The following KIF1B variants were observed in gnomAD, a reference collection of about 807,000 sequenced individuals.
The protein encoded by KIF1B is kinesin-like protein KIF1B.
In KIF1B, 76 loss-of-function variants were observed where a neutral mutation model predicts 241.9. That is an observed-to-expected ratio of 0.31 (90% confidence interval 0.26 to 0.38). The LOEUF is 0.38. Among genes scored for constraint, KIF1B ranks in the 10% least tolerant of loss-of-function variants. KIF1B has a pLI of 1.00. For missense variants in KIF1B, 1,622 were observed against 2,271.4 expected, an observed-to-expected ratio of 0.71 and a Z score of 5.81; for synonymous variants, 750 against 796.7, an observed-to-expected ratio of 0.94 and a Z score of 0.99.
At chr1:10,338,669 G>A (rs926028187) in intron 31 of KIF1B, among the ~76,000 whole-genome samples, 10 of 152,350 alleles carry the variant, frequency 6.6e-5, no homozygotes, top group Admixed American at 6.5e-4. Flanking sequence ...ATCTCTACCT[G>A]GTGTTAGCTC....
At chr1:10,349,854 A>G (rs1569874835) in intron 37 of KIF1B, among the ~76,000 whole-genome samples, 3 of 152,246 alleles carry the variant, frequency 2.0e-5, no homozygotes, top group Non-Finnish European at 4.4e-5. Context: ...AATGTGAGAA[A>G]TAAAGTATTT....
At chr1:10,334,296 G>T (rs752910622) in intron 27 of KIF1B, among the ~76,000 whole-genome samples, 1 of 152,156 alleles carries the variant, frequency 6.6e-6, no homozygotes, top group Non-Finnish European at 1.5e-5. Flanking sequence ...GCATGATTTG[G>T]TGTGTGTTGG....
chr1:10,279,225 C>A, intron 14 of KIF1B, 87 bp downstream of exon 14: 2 of 830,402 alleles, frequency 2.4e-6, no homozygotes, highest in Non-Finnish European at 3.9e-6. Flanking sequence ...GCTTTGCATG[C>A]TGGCAATCCT....
chr1:10,216,324 T>C (rs1384456341), intron 1 of KIF1B, among the ~76,000 whole-genome samples: 1 of 152,230 alleles, frequency 6.6e-6, no homozygotes, highest in East Asian at 1.9e-4. Flanking sequence ...CTGTGATAAT[T>C]GATAGCTTTC....
intron 14 of KIF1B, among the ~76,000 whole-genome samples, chr1:10,279,442 CACTT>C (rs1649291217): frequency 1.3e-5 from 2 of 152,178 alleles, no homozygotes; most frequent in East Asian, 1.9e-4. Context: ...TAGCAACTGA[CACTT>C]ACTGATTTTG....
intron 22 of KIF1B, among the ~76,000 whole-genome samples, chr1:10,317,646 A>G (rs1651357313): frequency 6.6e-6 from 1 of 151,390 alleles, no homozygotes. Context: ...CCTGGCCAAC[A>G]TAGTGAAACC....
chr1:10,368,364 C>G, intron 43 of KIF1B, 103 bp from the exon 44 acceptor site: 1 of 888,400 alleles, frequency 1.1e-6, no homozygotes, highest in Admixed American at 1.7e-5. Flanking sequence ...CATGCCCTCC[C>G]CGGGAACTCA....
At position 10,378,423 on chromosome 1, in the gene KIF1B, A is replaced by G. The variant is rs1173937348; in HGVS notation, c.*1836A>G. 1.4e-6 allele frequency: 1 copy of G among 717,662 alleles called. No homozygotes were observed. Among genetic ancestry groups the G allele is most frequent in the Admixed American group, 2.0e-5 (1 of 49,968 alleles). The allele number at this position is 717,662 out of a possible 1,614,324, so 44.5% of individuals were successfully genotyped here. On this transcript the variant is annotated 3_prime_UTR_variant, in exon 49 of 49. Coordinates refer to ENST00000676179, the MANE Select transcript of KIF1B (RefSeq NM_001365951.3). ...AGTAAGTTTTCCAGGATGAGAGGGG[A>G]AAAAGAAAGCCTCCAGTGACTTCAG...
Position 10,295,057 on chromosome 1 carries a change from C to G in KIF1B, c.1591-29C>G, listed in dbSNP as rs182802220. On this transcript the variant is annotated intron_variant, in intron 17 of 48. Transcript: ENST00000676179. ...CACAGCTCTCTCATGGTGCCCTGCT[C>G]CAAATTGATCATCTGTAATCTTTTT... is the stretch of plus-strand genomic sequence containing the variant. 228 of 1,498,408 alleles carry G rather than the reference C, an allele frequency of 1.5e-4. No individual in the cohort carries two copies. The African/African-American group carries it at 2.9e-3, about 19-fold the overall frequency. 92.8% of individuals were successfully genotyped at this position (1,498,408 alleles called of 1,614,324 possible).
At chr1:10,271,681 A>G (rs1648807437) in intron 8 of KIF1B, 102 bp downstream of exon 8, 2 of 835,940 alleles carry the variant, frequency 2.4e-6, no homozygotes, top group African/African-American at 3.3e-5. Context: ...TTGTTTATGT[A>G]TTGTCTATGG....
intron 45 of KIF1B, among the ~76,000 whole-genome samples, chr1:10,373,726 C>T (rs754054713): frequency 1.4e-4 from 22 of 152,190 alleles, no homozygotes; most frequent in East Asian, 3.8e-4. Context: ...CTTCTCTGCA[C>T]AGCCGTTCAG....
In KIF1B at chr1:10,365,344, A is replaced by C; in HGVS notation, c.4513-65A>C. 1 of 1,613,892 alleles carries C rather than the reference A, an allele frequency of 6.2e-7. No individual in the cohort carries two copies. The highest frequency in any genetic ancestry group is 1.6e-4 in the Middle Eastern group (1 of 6,062). On this transcript the variant is annotated intron_variant, in intron 42 of 48. Coordinates refer to ENST00000676179, the MANE Select transcript of KIF1B (RefSeq NM_001365951.3). This position sits in a 1 kb window ranked among gnomAD's most constrained non-coding sequence, Gnocchi z 4.0. ...CTGCTGCATGTGATCATAGCTTTTC[A>C]CTTTTCTCTCCTGAGGTCTTAACGA... is the stretch of plus-strand genomic sequence containing the variant.
At chr1:10,305,484 G>C in intron 22 of KIF1B, 1 of 1,059,748 alleles carries the variant, frequency 9.4e-7, no homozygotes, top group Non-Finnish European at 1.1e-6. Flanking sequence ...TGTGTAGCTT[G>C]TAAGGAGGTT....
chr1:10,335,094 C>G (rs1211481168), intron 28 of KIF1B, among the ~76,000 whole-genome samples: 2 of 152,010 alleles, frequency 1.3e-5, no homozygotes, highest in Non-Finnish European at 2.9e-5. Context: ...ACACCACCAT[C>G]CCAGCTAATT....
chr1:10,213,494 T>C (rs563027269), intron 1 of KIF1B, among the ~76,000 whole-genome samples: 7 of 152,272 alleles, frequency 4.6e-5, no homozygotes, highest in Middle Eastern at 3.4e-3. Context: ...GCCCATTTTC[T>C]CACTGTGGTC....
chr1:10,271,152 A>G (rs1309221166), intron 7 of KIF1B, among the ~76,000 whole-genome samples: 2 of 151,122 alleles, frequency 1.3e-5, no homozygotes, highest in Admixed American at 6.6e-5. Context: ...GATAATTGCT[A>G]TGAATTTTGT....
intron 27 of KIF1B, among the ~76,000 whole-genome samples, chr1:10,334,276 A>G (rs1652078557): frequency 6.6e-6 from 1 of 151,982 alleles, no homozygotes. Flanking sequence ...TACAGTAGTT[A>G]AGTTTTAGAG....
At chr1:10,225,535 TTAAA>T (rs148127372) in intron 1 of KIF1B, among the ~76,000 whole-genome samples, 2,837 of 152,276 alleles carry the variant, frequency 0.019, 39 homozygotes, top group Non-Finnish European at 0.028. Flanking sequence ...TTGAAAAGTG[TTAAA>T]TAGAGGAGCA....
chr1:10,304,693 G>T (rs1332796633), intron 22 of KIF1B: 1 of 1,608,528 alleles, frequency 6.2e-7, no homozygotes. Flanking sequence ...GAAACAGACA[G>T]TGTTAGCTCA....
Sources: gnomAD v4.1 joint callset for allele counts (sites outside exome capture counted in the v4.1 genomes callset) on GRCh38, gnomAD v4.1.1 for gene constraint, Gnocchi (gnomAD v3.1) non-coding constraint, MANE v1.5 for transcripts, NCBI Gene and HGNC (gene_info 2026-07-23, HGNC 2026-07-21) for gene names.